GARIN1B: variants seen among roughly 807,000 people sequenced by gnomAD.
GARIN1B encodes golgi associated RAB2 interactor 1B, also known as Golgi-associated RAB2 interactor protein 1B.
At chr7:128,715,286 C>A in the GARIN1B span, 1 of 1,449,004 alleles carries the variant, frequency 6.9e-7, no homozygotes, top group East Asian at 2.4e-5. Context: ...CTTTGCACTT[C>A]CCCTTCCTGC....
At chr7:128,720,505 G>A in the GARIN1B span, among the ~76,000 whole-genome samples, 83 of 152,122 alleles carry the variant, frequency 5.5e-4, 1 homozygote, top group South Asian at 0.017. Flanking sequence ...TTATGGATCA[G>A]GTTTTCTATG....
the GARIN1B span, chr7:128,715,463 A>G: frequency 1.2e-6 from 2 of 1,614,154 alleles, no homozygotes; most frequent in African/African-American, 1.3e-5. Context: ...ATTTCCACAT[A>G]GAAAGACTTG....
chr7:128,726,897 C>A, the GARIN1B span: 1 of 1,603,844 alleles, frequency 6.2e-7, no homozygotes, highest in Non-Finnish European at 8.5e-7. Context: ...GGGTACCATG[C>A]CTCAAAGAGC....
chr7:128,710,397 T>C, the GARIN1B span, among the ~76,000 whole-genome samples: 12 of 152,246 alleles, frequency 7.9e-5, no homozygotes, highest in South Asian at 2.1e-4. Context: ...TTTCTTTTTA[T>C]GTTTTTCATT....
chr7:128,728,234 G>A, the GARIN1B span, among the ~76,000 whole-genome samples: 1 of 152,138 alleles, frequency 6.6e-6, no homozygotes, highest in African/African-American at 2.4e-5. Flanking sequence ...ACGAGGTTAG[G>A]AGTTCGAGAC....
At chr7:128,720,011 T>G in the GARIN1B span, among the ~76,000 whole-genome samples, 3 of 151,968 alleles carry the variant, frequency 2.0e-5, no homozygotes, top group Non-Finnish European at 4.4e-5. Flanking sequence ...TGACCATTTT[T>G]CAATTGGGTT....
chr7:128,730,237 A>G, the GARIN1B span, among the ~76,000 whole-genome samples: 1 of 152,142 alleles, frequency 6.6e-6, no homozygotes, highest in African/African-American at 2.4e-5. Flanking sequence ...TGGGCTGAGC[A>G]AAACCATGAT....
the GARIN1B span, chr7:128,723,507 A>G: frequency 8.7e-6 from 4 of 457,334 alleles, no homozygotes; most frequent in Non-Finnish European, 1.5e-5. Flanking sequence ...GAGGTCAGGA[A>G]TTTGAGACCA....
chr7:128,731,263 C>T, the GARIN1B span: 1 of 812,406 alleles, frequency 1.2e-6, no homozygotes, highest in South Asian at 1.4e-5. Flanking sequence ...CAGAGCCTTT[C>T]CAGCTGTACA....
chr7:128,722,629 C>A, the GARIN1B span, among the ~76,000 whole-genome samples: 1 of 151,974 alleles, frequency 6.6e-6, no homozygotes, highest in Non-Finnish European at 1.5e-5. Flanking sequence ...CATGGTGAAA[C>A]CCCGTCTCTA....
At chr7:128,721,690 GT>G in the GARIN1B span, among the ~76,000 whole-genome samples, 8 of 152,286 alleles carry the variant, frequency 5.3e-5, no homozygotes, top group African/African-American at 1.9e-4. Flanking sequence ...AAAACATTCA[GT>G]TTTTTGCTGT....
the GARIN1B span, among the ~76,000 whole-genome samples, chr7:128,717,184 G>T: frequency 2.6e-5 from 4 of 152,250 alleles, no homozygotes; most frequent in Admixed American, 2.6e-4. Context: ...GGGACAAAGG[G>T]AGATGTCATG....
chr7:128,726,984 G>C, the GARIN1B span: 1 of 896,888 alleles, frequency 1.1e-6, no homozygotes, highest in East Asian at 2.5e-5. Context: ...TATTGCCATT[G>C]TCCTTCCATG....
the GARIN1B span, among the ~76,000 whole-genome samples, chr7:128,729,662 G>A: frequency 1.3e-5 from 2 of 152,296 alleles, no homozygotes; most frequent in South Asian, 4.1e-4. Context: ...TGGTAAGAAC[G>A]TGGACTCTGG....
At chr7:128,715,361 G>A in the GARIN1B span, 1 of 1,560,854 alleles carries the variant, frequency 6.4e-7, no homozygotes, top group Non-Finnish European at 8.6e-7. Flanking sequence ...TGGTCCCAGG[G>A]CTTGGCCAGC....
At chr7:128,718,829 A>G in the GARIN1B span, 1 of 1,612,628 alleles carries the variant, frequency 6.2e-7, no homozygotes. Context: ...TGGTGGCTTC[A>G]GGATTCTCCC....
the GARIN1B span, among the ~76,000 whole-genome samples, chr7:128,725,805 C>T: frequency 6.7e-6 from 1 of 150,024 alleles, no homozygotes; most frequent in South Asian, 2.2e-4. Flanking sequence ...TAGACATGTA[C>T]ACAACACAAA....
chr7:128,730,091 C>T, the GARIN1B span: 1 of 1,603,572 alleles, frequency 6.2e-7, no homozygotes, highest in Non-Finnish European at 8.5e-7. Context: ...GGAGGAATCC[C>T]CTGCCATTGT....
chr7:128,731,245 G>A, the GARIN1B span: 6 of 882,136 alleles, frequency 6.8e-6, no homozygotes, highest in East Asian at 4.8e-5. Context: ...GTCATCTCAC[G>A]GTGACAGCAG....
Sources: gnomAD v4.1 joint callset for allele counts (sites outside exome capture counted in the v4.1 genomes callset) on GRCh38, gnomAD v4.1.1 for gene constraint, MANE v1.5 for transcripts, NCBI Gene and HGNC (gene_info 2026-07-23, HGNC 2026-07-21) for gene names.